CDH13: variants seen among roughly 807,000 people sequenced by gnomAD.
CDH13 encodes cadherin-13.
Under a neutral mutation model 63.8 loss-of-function variants are expected in CDH13, and 24 were observed. The observed-to-expected ratio is 0.38, with a 90% CI of 0.27 to 0.53. CDH13 has a LOEUF of 0.53. Among genes scored for constraint, CDH13 ranks in the 20% least tolerant of loss-of-function variants. The probability of loss-of-function intolerance (pLI) is 0.85; values close to 1 mark genes in which losing one functional copy is unlikely to be tolerated. For synonymous variants in CDH13, 503 were observed against 355.3 expected, an observed-to-expected ratio of 1.42 and a Z score of -4.67; for missense variants, 1,049 against 903.1, an observed-to-expected ratio of 1.16 and a Z score of -2.07.
intron 2 of CDH13, among the ~76,000 whole-genome samples, chr16:83,031,384 A>G (rs1445862503): frequency 1.5e-5 from 1 of 68,200 alleles, no homozygotes; most frequent in Non-Finnish European, 2.8e-5. Flanking sequence ...GTATACACGT[A>G]TATGTATATA....
intron 1 of CDH13, among the ~76,000 whole-genome samples, chr16:82,642,261 A>G (rs16957935): frequency 0.34 from 50,968 of 152,072 alleles, 9,187 homozygotes; most frequent in East Asian, 0.54. Flanking sequence ...CATTTAACTC[A>G]GAGGTTAGAC....
chr16:83,049,403 C>T (rs944269484), intron 3 of CDH13, among the ~76,000 whole-genome samples: 1 of 138,538 alleles, frequency 7.2e-6, no homozygotes, highest in Non-Finnish European at 1.5e-5. Context: ...GGTGCGATCT[C>T]TATTCACTGC....
chr16:83,110,261 A>C (rs2034994276), intron 3 of CDH13, among the ~76,000 whole-genome samples: 1 of 152,208 alleles, frequency 6.6e-6, no homozygotes, highest in South Asian at 2.1e-4. Context: ...TGCTTCTTTA[A>C]AATACTCAAG....
chr16:83,731,374 G>C (rs1374275352), intron 10 of CDH13, among the ~76,000 whole-genome samples: 1 of 152,144 alleles, frequency 6.6e-6, no homozygotes, highest in Non-Finnish European at 1.5e-5. Flanking sequence ...GTGTGAGATG[G>C]TATCTCATTG....
rs75428205 is a variant in CDH13, at chr16:83,619,900, G to A, written c.1101+17306G>A. ...AGAAGTGGAGGATGCAGATGGAAGC[G>A]TCCGTGGGAAGACCCCGGCCTGGGA... On this transcript the variant is annotated intron_variant, in intron 8 of 13. Transcript: ENST00000567109. 3.6e-4 allele frequency among the ~76,000 whole-genome samples: 55 copies of A among 152,268 alleles called. No individual in the cohort carries two copies. The East Asian group carries it at 8.1e-3, about 22-fold the overall frequency.
chr16:82,913,554 G>A (rs1045872037), intron 2 of CDH13, among the ~76,000 whole-genome samples: 2 of 152,146 alleles, frequency 1.3e-5, no homozygotes, highest in Admixed American at 6.5e-5. Flanking sequence ...GGGTCGATGG[G>A]TCAAACATGA....
intron 1 of CDH13, among the ~76,000 whole-genome samples, chr16:82,855,998 T>C (rs753846459): frequency 1.3e-5 from 2 of 152,176 alleles, no homozygotes; most frequent in African/African-American, 2.4e-5. Flanking sequence ...AGGTCTGATA[T>C]TGAAGTTTTG....
At chr16:83,702,588 G>A (rs150866524) in intron 10 of CDH13, among the ~76,000 whole-genome samples, 14 of 152,252 alleles carry the variant, frequency 9.2e-5, no homozygotes, top group East Asian at 1.9e-4. Flanking sequence ...AGTTCAGCCC[G>A]CCTGTATGTT....
At chr16:82,696,123 C>G (rs1399585259) in intron 1 of CDH13, among the ~76,000 whole-genome samples, 1 of 152,194 alleles carries the variant, frequency 6.6e-6, no homozygotes, top group African/African-American at 2.4e-5. Context: ...TTTGGGGCCA[C>G]TGACCCTTCT....
At chr16:83,725,559 A>G (rs577315586) in intron 10 of CDH13, 1 of 152,480 alleles carries the variant, frequency 6.6e-6, no homozygotes, top group African/African-American at 2.4e-5. Context: ...ATTTGGTTAC[A>G]TCCAGACACG....
intron 6 of CDH13, among the ~76,000 whole-genome samples, chr16:83,441,451 C>T (rs1007626911): frequency 6.6e-6 from 1 of 152,088 alleles, no homozygotes; most frequent in African/African-American, 2.4e-5. Context: ...TGACTTTCCC[C>T]GATTGGTAGA....
At chr16:83,780,249 A>T in intron 12 of CDH13, 48 bp downstream of exon 12, 1 of 1,286,804 alleles carries the variant, frequency 7.8e-7, no homozygotes, top group Non-Finnish European at 1.1e-6. Flanking sequence ...CTTTCAGTTT[A>T]TTTTCTCTTT....
intron 5 of CDH13, among the ~76,000 whole-genome samples, chr16:83,275,222 A>G (rs544571613): frequency 6.6e-6 from 1 of 152,328 alleles, no homozygotes; most frequent in Non-Finnish European, 1.5e-5. Context: ...GAAAGGAGAG[A>G]TGCTGGGCCA....
intron 1 of CDH13, among the ~76,000 whole-genome samples, chr16:82,835,967 C>T (rs534457044): frequency 1.8e-4 from 27 of 152,294 alleles, no homozygotes; most frequent in Admixed American, 1.1e-3. Flanking sequence ...TCTCATCGCT[C>T]AGGTCTCGCA....
At chr16:82,731,492 T>G (rs2085951) in intron 1 of CDH13, among the ~76,000 whole-genome samples, 174 of 152,380 alleles carry the variant, frequency 1.1e-3, no homozygotes, top group African/African-American at 4.1e-3. Context: ...ACAGGACATA[T>G]TCTTTAAACA....
intron 2 of CDH13, among the ~76,000 whole-genome samples, chr16:82,969,539 T>A (rs969075259): frequency 6.7e-6 from 1 of 150,304 alleles, no homozygotes; most frequent in Non-Finnish European, 1.5e-5. Flanking sequence ...GGAAAGATGA[T>A]GGGGCTAGCC....
intron 5 of CDH13, among the ~76,000 whole-genome samples, chr16:83,279,043 T>C (rs2089080318): frequency 6.6e-6 from 1 of 152,200 alleles, no homozygotes; most frequent in South Asian, 2.1e-4. Flanking sequence ...GGGTGCTCTT[T>C]TGGGAAGAAT....
intron 7 of CDH13, among the ~76,000 whole-genome samples, chr16:83,570,778 A>ATATATTT (rs1181205839): frequency 7.0e-6 from 1 of 141,968 alleles, no homozygotes; most frequent in Non-Finnish European, 1.5e-5. Flanking sequence ...TATGAATAAA[A>ATATATTT]TATATTTTAT....
chr16:82,718,191 C>G (rs2151017605), intron 1 of CDH13, among the ~76,000 whole-genome samples: 1 of 152,326 alleles, frequency 6.6e-6, no homozygotes, highest in African/African-American at 2.4e-5. Context: ...CTGAATCCCA[C>G]TGGGGACTCT....
Sources: gnomAD v4.1 joint callset for allele counts (sites outside exome capture counted in the v4.1 genomes callset) on GRCh38, gnomAD v4.1.1 for gene constraint, MANE v1.5 for transcripts, NCBI Gene and HGNC (gene_info 2026-07-23, HGNC 2026-07-21) for gene names.